NFATC3: variants seen among roughly 807,000 people sequenced by gnomAD.
NFATC3 encodes the protein nuclear factor of activated T-cells, cytoplasmic 3.
In NFATC3, 46 loss-of-function variants were observed where a neutral mutation model predicts 98.6. That is an observed-to-expected ratio of 0.47 (90% CI 0.37 to 0.60). The LOEUF (loss-of-function observed/expected upper bound fraction) is 0.60, where lower values mean the gene tolerates loss of function less well. Ranked by LOEUF, NFATC3 falls within the 20% of genes least tolerant of loss-of-function variation. The probability of loss-of-function intolerance (pLI) is 0.00; values close to 1 mark genes in which losing one functional copy is unlikely to be tolerated. For missense variants in NFATC3, 1,256 were observed against 1,295.5 expected, an observed-to-expected ratio of 0.97 and a Z score of 0.47; for synonymous variants, 512 against 472.2, an observed-to-expected ratio of 1.08 and a Z score of -1.09.
intron 1 of NFATC3, among the ~76,000 whole-genome samples, chr16:68,108,529 CTT>C (rs2035786554): frequency 6.6e-6 from 1 of 152,104 alleles, no homozygotes; most frequent in South Asian, 2.1e-4. Flanking sequence ...TAGCTGTGTT[CTT>C]TTTGCTTAAG....
intron 1 of NFATC3, among the ~76,000 whole-genome samples, chr16:68,095,879 A>G (rs979498057): frequency 1.1e-4 from 16 of 152,262 alleles, no homozygotes; most frequent in Non-Finnish European, 2.1e-4. Context: ...TGTGTGGTTC[A>G]GGTGGAACCT....
chr16:68,130,941 AAAATGAG>A (rs1325136202), intron 3 of NFATC3, among the ~76,000 whole-genome samples: 1 of 152,226 alleles, frequency 6.6e-6, no homozygotes, highest in Non-Finnish European at 1.5e-5. Context: ...ACCTTTGTCG[AAAATGAG>A]TTAGCTGTAA....
At chr16:68,142,737 G>A (rs2037822073) in intron 3 of NFATC3, among the ~76,000 whole-genome samples, 1 of 151,820 alleles carries the variant, frequency 6.6e-6, no homozygotes, top group Non-Finnish European at 1.5e-5. Context: ...CAGCCTGGGT[G>A]ACAGAGTGAG....
chr16:68,126,643 C>T (rs774317052), intron 3 of NFATC3, 33 bp downstream of exon 3: 3 of 1,608,074 alleles, frequency 1.9e-6, no homozygotes, highest in South Asian at 2.2e-5. Context: ...TTTGCAGATA[C>T]CATACACCTA....
chr16:68,183,361 C>T lies in NFATC3; in HGVS notation c.2093C>T (p.Thr698Ile), dbSNP rs1206626661. 3.7e-6 allele frequency: 6 copies of T among 1,612,106 alleles called. No homozygotes were observed. The highest frequency in any genetic ancestry group is 2.2e-5 in the East Asian group (1 of 44,884). Residue 698 changes from threonine to isoleucine, a missense_variant, in exon 8 of 10, where the codon ACA becomes ATA. By Grantham distance (89) the Thr-to-Ile change is moderately conservative. Around this residue, in one of 3 missense-constraint regions of NFATC3, gnomAD observed 636 missense variants for 617.3 expected, o/e 1.03. Coordinates refer to ENST00000346183, the MANE Select transcript of NFATC3 (RefSeq NM_173165.3). ...KKSQSQRFTYTPVLMKQEHRE... is the reference protein window; with the variant it reads ...KKSQSQRFTYIPVLMKQEHRE... The stretch of plus-strand genomic sequence containing the variant: ...AGCCAGTCTCAACGTTTTACTTATA[C>T]ACCAGGTACGAGGAGTCATGATGGT...
chr16:68,191,326 G>A lies in NFATC3; in HGVS notation c.2657G>A (p.Cys886Tyr). The change falls in exon 9 of 10, where the codon TGT (cysteine) becomes TAT (tyrosine). Residue 886 changes from cysteine (C) to tyrosine (Y), a missense_variant. Physicochemically the swap from Cys to Tyr is radical, Grantham distance 194. This residue lies in a region of NFATC3 where 636 missense variants were observed against 617.3 expected (regional missense o/e 1.03). Transcript: ENST00000346183. Reference protein sequence around the residue: ...LPHLQSMGYHCSNTGQRSLSS... With the variant: ...LPHLQSMGYHYSNTGQRSLSS... ...CATCTGCAATCAATGGGATATCATT[G>A]TTCAAATACAGGACAAAGATCTCTT... 6.2e-7 allele frequency: 1 copy of A among 1,614,158 alleles called. No individual in the cohort carries two copies. The highest frequency in any genetic ancestry group is 1.3e-5 in the African/African-American group (1 of 75,020).
intron 9 of NFATC3, among the ~76,000 whole-genome samples, chr16:68,209,947 C>G (rs2041307976): frequency 6.6e-6 from 1 of 151,486 alleles, no homozygotes; most frequent in Non-Finnish European, 1.5e-5. Context: ...GGGCAGATTG[C>G]TCGAGCCCAA....
intron 1 of NFATC3, among the ~76,000 whole-genome samples, chr16:68,095,595 C>G (rs1027814888): frequency 3.3e-5 from 5 of 152,140 alleles, no homozygotes; most frequent in African/African-American, 1.2e-4. Flanking sequence ...CTCAGGTGAT[C>G]CGCCTGCCTC....
At chr16:68,211,455 G>A (rs1386670224) in intron 9 of NFATC3, among the ~76,000 whole-genome samples, 3 of 151,634 alleles carry the variant, frequency 2.0e-5, no homozygotes, top group Non-Finnish European at 4.4e-5. Flanking sequence ...CAAAGTGCTG[G>A]GATTACAGGC....
chr16:68,089,206 A>T lies in NFATC3; in HGVS notation c.103+3422A>T, dbSNP rs1446954596. On this transcript the variant is annotated intron_variant, in intron 1 of 9. Coordinates refer to ENST00000346183, the MANE Select transcript of NFATC3 (RefSeq NM_173165.3). ...AAGATTTTTGAAAAATAGTGAGGTA[A>T]GTGGATAGAGAGTGAGGACAAGCCA... The T allele has an allele frequency of 4.1e-6, 4 of 985,334 alleles. No homozygotes were observed. The African/African-American group carries it at 7.0e-5, about 17-fold the overall frequency. The allele number at this position is 985,334 out of a possible 1,614,324, so 61.0% of individuals were successfully genotyped here.
intron 9 of NFATC3, among the ~76,000 whole-genome samples, chr16:68,211,428 C>T (rs12447080): frequency 0.12 from 18,104 of 151,254 alleles, 1,231 homozygotes; most frequent in South Asian, 0.2. Flanking sequence ...CCTTGTGATC[C>T]TCCCGCCTCG....
chr16:68,151,614 T>C (rs976437300), intron 3 of NFATC3, among the ~76,000 whole-genome samples: 1 of 152,204 alleles, frequency 6.6e-6, no homozygotes, highest in African/African-American at 2.4e-5. Flanking sequence ...AGTTATCCCA[T>C]GTATTGAGAT....
At chr16:68,107,170 A>G (rs779975526) in intron 1 of NFATC3, among the ~76,000 whole-genome samples, 9 of 152,068 alleles carry the variant, frequency 5.9e-5, no homozygotes, top group Admixed American at 5.2e-4. Flanking sequence ...GGTTGATTCT[A>G]TGTCTTTGCT....
intron 3 of NFATC3, among the ~76,000 whole-genome samples, chr16:68,134,227 TC>T (rs1453435346): frequency 6.6e-6 from 1 of 152,204 alleles, no homozygotes; most frequent in Non-Finnish European, 1.5e-5. Context: ...AGTGGCACAA[TC>T]ACGACCCATT....
At chr16:68,090,804 A>G (rs2034670763) in intron 1 of NFATC3, among the ~76,000 whole-genome samples, 1 of 152,154 alleles carries the variant, frequency 6.6e-6, no homozygotes, top group Admixed American at 6.5e-5. Flanking sequence ...GAGGTTTTGG[A>G]TGCTTAGTAG....
At chr16:68,098,335 C>CT (rs1452858344) in intron 1 of NFATC3, among the ~76,000 whole-genome samples, 1 of 131,638 alleles carries the variant, frequency 7.6e-6, no homozygotes, top group Non-Finnish European at 1.5e-5. Flanking sequence ...GAGTCTCACT[C>CT]TGTCGCCAGG....
chr16:68,103,391 G>T (rs1267227089), intron 1 of NFATC3, among the ~76,000 whole-genome samples: 1 of 151,856 alleles, frequency 6.6e-6, no homozygotes, highest in Non-Finnish European at 1.5e-5. Flanking sequence ...GTATTATTTT[G>T]TGGAGATGAG....
rs143119912 is a variant in NFATC3, at chr16:68,086,976, A to G, written c.103+1192A>G. Among the ~76,000 whole-genome samples, 770 of 152,308 alleles carry G rather than the reference A, an allele frequency of 5.1e-3. 8 individuals carry two copies. Among genetic ancestry groups the G allele is most frequent in the African/African-American group, 0.017 (703 of 41,556 alleles). Reference sequence around the variant, plus strand: ...CTGTAGTGTTATGATGAGGCAGAGGACTGAGGCTTTTCAAGGAGTTTGGGA... The same window carrying G: ...CTGTAGTGTTATGATGAGGCAGAGGGCTGAGGCTTTTCAAGGAGTTTGGGA... On this transcript the variant is annotated intron_variant, in intron 1 of 9. Transcript: ENST00000346183.
chr16:68,165,307 T>C (rs997414588), intron 4 of NFATC3, among the ~76,000 whole-genome samples: 2 of 152,050 alleles, frequency 1.3e-5, no homozygotes, highest in Non-Finnish European at 2.9e-5. Context: ...CCTGTGTCTT[T>C]CTTAAGATGA....
Sources: gnomAD v4.1 joint callset for allele counts (sites outside exome capture counted in the v4.1 genomes callset) on GRCh38, gnomAD v4.1.1 for gene constraint, gnomAD v4.1.1 regional missense constraint, MANE v1.5 for transcripts, NCBI Gene and HGNC (gene_info 2026-07-23, HGNC 2026-07-21) for gene names.